AK5: variants seen among roughly 807,000 people sequenced by gnomAD.
AK5 encodes adenylate kinase isoenzyme 5.
A neutral mutation model predicts 69.5 loss-of-function variants in AK5; 27 were observed. The observed-to-expected ratio is 0.39, with a 90% CI of 0.29 to 0.54. AK5 has a LOEUF of 0.54. Ranked by LOEUF, AK5 falls within the 20% of genes least tolerant of loss-of-function variation. AK5 has a pLI of 0.71. For synonymous variants in AK5, 260 were observed against 244.4 expected (o/e 1.06, Z -0.60); for missense variants, 531 against 700.4 (o/e 0.76, Z 2.73).
At chr1:77,295,338 G>A (rs1658933386) in intron 3 of AK5, among the ~76,000 whole-genome samples, 1 of 152,178 alleles carries the variant, frequency 6.6e-6, no homozygotes, top group African/African-American at 2.4e-5. Context: ...AAGCTCACCA[G>A]ACTAGAAGGA....
chr1:77,382,077 G>T (rs1469831386), intron 6 of AK5, among the ~76,000 whole-genome samples: 1 of 152,016 alleles, frequency 6.6e-6, no homozygotes, highest in Non-Finnish European at 1.5e-5. Flanking sequence ...GTTCCTCCAT[G>T]AACTTTTATA....
intron 12 of AK5, among the ~76,000 whole-genome samples, chr1:77,531,017 TG>T (rs1164274429): frequency 6.6e-6 from 1 of 152,140 alleles, no homozygotes; most frequent in Non-Finnish European, 1.5e-5. Context: ...AGTGTGGTCC[TG>T]TGTCCGGAAA....
At chr1:77,333,159 C>T (rs904138915) in intron 5 of AK5, among the ~76,000 whole-genome samples, 1 of 152,174 alleles carries the variant, frequency 6.6e-6, no homozygotes, top group African/African-American at 2.4e-5. Context: ...TATGTTTTCT[C>T]ATCCTTTTAC....
chr1:77,356,649 C>G (rs187085262), intron 6 of AK5, among the ~76,000 whole-genome samples: 3 of 152,206 alleles, frequency 2.0e-5, no homozygotes, highest in Non-Finnish European at 2.9e-5. Flanking sequence ...GAACTAAGCA[C>G]AGTGCCCAGC....
chr1:77,341,745 G>A lies in AK5; in HGVS notation c.891+1177G>A, dbSNP rs563161223. On this transcript the variant is annotated intron_variant, in intron 6 of 13. Coordinates refer to ENST00000354567, the MANE Select transcript of AK5 (RefSeq NM_174858.3). Reference sequence around the variant, plus strand: ...CTCTTTGAGTCAAAGTTGTCATGTCGCAGAGTTGTAAGTCTGATCTGGAAA... The same window carrying A: ...CTCTTTGAGTCAAAGTTGTCATGTCACAGAGTTGTAAGTCTGATCTGGAAA... Among the ~76,000 whole-genome samples the A allele has an allele frequency of 5.9e-5, 9 of 152,280 alleles. 1 individual carries two copies. The highest frequency in any genetic ancestry group is 1.9e-4 in the East Asian group (1 of 5,188).
chr1:77,388,231 G>A (rs1025371106), intron 6 of AK5, among the ~76,000 whole-genome samples: 1 of 152,070 alleles, frequency 6.6e-6, no homozygotes, highest in African/African-American at 2.4e-5. Context: ...CAAGTGTTGG[G>A]CATTAATTGC....
intron 10 of AK5, among the ~76,000 whole-genome samples, chr1:77,489,705 C>T (rs1176724873): frequency 5.3e-5 from 8 of 152,294 alleles, no homozygotes; most frequent in Non-Finnish European, 1.0e-4. Flanking sequence ...CCTCACTATT[C>T]GCCTTAAGAC....
chr1:77,490,958 A>T (rs1655953334), intron 10 of AK5, among the ~76,000 whole-genome samples: 1 of 152,100 alleles, frequency 6.6e-6, no homozygotes, highest in Admixed American at 6.6e-5. Context: ...TGGGAAACAC[A>T]TCTGACTTTT....
intron 10 of AK5, among the ~76,000 whole-genome samples, chr1:77,498,950 C>A (rs1656528790): frequency 6.6e-6 from 1 of 152,244 alleles, no homozygotes; most frequent in Non-Finnish European, 1.5e-5. Context: ...TGAGATCAAT[C>A]AGTTGAAATG....
chr1:77,476,548 T>C (rs1039042167), intron 8 of AK5, among the ~76,000 whole-genome samples: 1 of 152,180 alleles, frequency 6.6e-6, no homozygotes, highest in Non-Finnish European at 1.5e-5. Context: ...CATCTTCGTT[T>C]CTATTCATAT....
chr1:77,510,448 G>A (rs1657275118), intron 10 of AK5, among the ~76,000 whole-genome samples: 2 of 152,078 alleles, frequency 1.3e-5, no homozygotes, highest in African/African-American at 4.8e-5. Context: ...TGAGGTATGA[G>A]ATAGTTTCCA....
chr1:77,472,743 G>T (rs1022300060), intron 8 of AK5, among the ~76,000 whole-genome samples: 14 of 95,110 alleles, frequency 1.5e-4, no homozygotes, highest in African/African-American at 4.6e-4. Context: ...TTTTAAAAAA[G>T]ACTGGGCGTG....
intron 8 of AK5, among the ~76,000 whole-genome samples, chr1:77,418,315 C>A (rs1650563513): frequency 6.6e-6 from 1 of 152,092 alleles, no homozygotes; most frequent in Non-Finnish European, 1.5e-5. Context: ...TTGTGAGACC[C>A]ATTCACTATC....
intron 5 of AK5, among the ~76,000 whole-genome samples, chr1:77,327,338 C>T (rs1660855596): frequency 6.8e-6 from 1 of 146,872 alleles, no homozygotes; most frequent in South Asian, 2.1e-4. Flanking sequence ...CTGCAGTGAG[C>T]TATGATTGTG....
chr1:77,504,432 T>C (rs2100271013), intron 10 of AK5, among the ~76,000 whole-genome samples: 1 of 35,112 alleles, frequency 2.8e-5, no homozygotes, highest in African/African-American at 6.7e-5. Flanking sequence ...TTTTTCTGTG[T>C]ATATATATAT....
chr1:77,415,099 G>A (rs1650327044), intron 7 of AK5, among the ~76,000 whole-genome samples: 1 of 151,732 alleles, frequency 6.6e-6, no homozygotes, highest in Non-Finnish European at 1.5e-5. Context: ...GGGAGACTCT[G>A]TCAAAAAAAA....
At chr1:77,415,885 T>C (rs1650391717) in intron 7 of AK5, among the ~76,000 whole-genome samples, 1 of 152,184 alleles carries the variant, frequency 6.6e-6, no homozygotes. Context: ...CTAGGCCAAG[T>C]TTTTTAACTT....
chr1:77,297,875 A>C lies in AK5; in HGVS notation c.627A>C (p.Ile209=), dbSNP rs199993219. The change falls in exon 5 of 14, where the codon ATA becomes ATC. Residue 209 remains isoleucine, a synonymous_variant. Coordinates refer to ENST00000354567, the MANE Select transcript of AK5 (RefSeq NM_174858.3). ...ITEIKQKLMQ[I]PDEEGIVIDG... ...AGATAAAACAAAAATTGATGCAAAT[A>C]CCTGATGAAGAGGGCATTGTTATTG... The C allele has an allele frequency of 1.1e-5, 17 of 1,613,500 alleles. No homozygotes were observed. In the East Asian group the frequency reaches 3.8e-4, roughly 36 times the overall value.
rs2815311 is a variant in AK5, at chr1:77,293,893, A to C, written c.348A>C (p.Ala116=). ...IESDTDLSET[A]ELIEEYEVFD... is the part of the protein sequence containing the mutation. ...GTGACACGGATCTCTCTGAGACTGC[A>C]GAGTTGATTGAGGAGTATGAGGTTT... Residue 116 remains alanine (A), a synonymous_variant, in exon 3 of 14, where the codon GCA becomes GCC. Transcript: ENST00000354567. 3.7e-6 allele frequency: 6 copies of C among 1,613,382 alleles called. No homozygotes were observed. Among genetic ancestry groups the C allele is most frequent in the Non-Finnish European group, 4.2e-6 (5 of 1,179,788 alleles).
Sources: allele counts gnomAD v4.1 joint callset (sites outside exome capture counted in the v4.1 genomes callset), GRCh38; gene constraint gnomAD v4.1.1; transcripts MANE v1.5; gene names NCBI Gene and HGNC (gene_info 2026-07-23, HGNC 2026-07-21).